Variants in COL4A4 observed in about 807,000 individuals in gnomAD.
The protein encoded by COL4A4 is collagen alpha-4(IV) chain.
COL4A4 carries 105 observed loss-of-function variants against 192.9 expected under a neutral mutation model. The ratio of observed to expected loss-of-function variants is 0.54; its 90% CI spans 0.46 to 0.64. The LOEUF (loss-of-function observed/expected upper bound fraction) is 0.64. Ranked by LOEUF, COL4A4 falls within the 30% of genes least tolerant of loss-of-function variation. The pLI, the probability that COL4A4 is intolerant of heterozygous loss-of-function variation, is 0.00. For missense variants in COL4A4, 1,967 were observed against 2,169.3 expected (o/e 0.91, Z 1.85); for synonymous variants, 762 against 769.9 (o/e 0.99, Z 0.17).
rs1962277727 is a variant in COL4A4 at position 227,006,999 on chromosome 2, A to G, written c.*326T>C. ...CTGTTAACCCAAGAATGAAGTTTTCAGTAATGTAATTTGTAATCTGGCCTT... is the reference window on the plus strand; with the variant it reads ...CTGTTAACCCAAGAATGAAGTTTTCGGTAATGTAATTTGTAATCTGGCCTT... On this transcript the variant is annotated 3_prime_UTR_variant, in exon 48 of 48. Transcript: ENST00000396625. 2.7e-6 allele frequency: 1 copy of G among 367,888 alleles called. No individual in the cohort carries two copies. The highest frequency in any genetic ancestry group is 5.2e-6 in the Non-Finnish European group (1 of 194,156). The allele number at this position is 367,888 out of a possible 1,614,324, so 22.8% of individuals were successfully genotyped here.
chr2:227,007,677 C>G (rs993726652), intron 47 of COL4A4, 89 bp from the exon 48 acceptor site: 19 of 1,533,826 alleles, frequency 1.2e-5, no homozygotes, highest in Non-Finnish European at 1.6e-5. Flanking sequence ...TGGGTCTGAT[C>G]TTAACATTTT....
At chr2:226,988,501 C>T in the COL4A4 span, 2 of 1,529,030 alleles carry the variant, frequency 1.3e-6, no homozygotes, top group Non-Finnish European at 1.8e-6. Flanking sequence ...AAGACTCAGG[C>T]CTTGCGAGGT....
intron 41 of COL4A4, among the ~76,000 whole-genome samples, chr2:227,028,245 A>T (rs1967432876): frequency 6.6e-6 from 1 of 152,168 alleles, no homozygotes; most frequent in Admixed American, 6.5e-5. Flanking sequence ...GACAAGACCA[A>T]ATTACAATGA....
chr2:226,978,777 G>A, the COL4A4 span, among the ~76,000 whole-genome samples: 1 of 152,138 alleles, frequency 6.6e-6, no homozygotes, highest in African/African-American at 2.4e-5. Flanking sequence ...CCCTCACTGG[G>A]GGTGATCAGA....
At chr2:227,060,564 T>C (rs1417144595) in intron 26 of COL4A4, among the ~76,000 whole-genome samples, 1 of 152,188 alleles carries the variant, frequency 6.6e-6, no homozygotes, top group Non-Finnish European at 1.5e-5. Context: ...AACACGACTA[T>C]GCAACCATTG....
chr2:227,103,043 A>T, intron 14 of COL4A4, 101 bp downstream of exon 14: 1 of 1,153,204 alleles, frequency 8.7e-7, no homozygotes, highest in East Asian at 2.3e-5. Context: ...GGTAATATAT[A>T]TTAGCACTTA....
In COL4A4 at chr2:227,055,960, G is replaced by C. The variant is rs868307078; in HGVS notation, c.2701C>G (p.Pro901Ala). The C allele has an allele frequency of 2.5e-6, 4 of 1,613,712 alleles. No individual in the cohort carries two copies. Among genetic ancestry groups the C allele is most frequent in the Non-Finnish European group, 3.4e-6 (4 of 1,179,870 alleles). ...CACTACCTACCCTTTGGACCTGGAG[G>C]ACCAGGTAGCCCATCATCTCCAAAG... ...GPFGDDGLPG[P>A]PGPKGPRGLP... Residue 901 changes from proline to alanine, a missense_variant, in exon 30 of 48, where the codon CCT becomes GCT. Pro to Ala is a conservative substitution (Grantham distance 27). Coordinates refer to ENST00000396625, the MANE Select transcript of COL4A4 (RefSeq NM_000092.5).
intron 35 of COL4A4, among the ~76,000 whole-genome samples, chr2:227,046,855 A>G (rs775694167): frequency 2.6e-5 from 4 of 152,050 alleles, no homozygotes; most frequent in Non-Finnish European, 5.9e-5. Context: ...CAAGAACTCA[A>G]TGGTGCATCA....
chr2:227,029,279 G>A (rs1967745198), intron 41 of COL4A4, among the ~76,000 whole-genome samples: 1 of 152,192 alleles, frequency 6.6e-6, no homozygotes, highest in African/African-American at 2.4e-5. Flanking sequence ...TAAGGAGGAG[G>A]AGTGTTAGCC....
chr2:227,031,027 ATGGT>A (rs1273670495), intron 40 of COL4A4, among the ~76,000 whole-genome samples: 1 of 150,458 alleles, frequency 6.6e-6, no homozygotes, highest in South Asian at 2.1e-4. Context: ...ATGTGGATAG[ATGGT>A]TGGATGGACA....
chr2:227,079,062 A>G lies in COL4A4; in HGVS notation c.1804-985T>C, dbSNP rs116488382. Among the ~76,000 whole-genome samples, 1,013 of 152,314 alleles carry G rather than the reference A, an allele frequency of 6.7e-3. 5 individuals are homozygous for G. Among genetic ancestry groups the G allele is most frequent in the African/African-American group, 0.023 (942 of 41,570 alleles). ...AGCTCCCATGGGGAATGAGGCTTTC[A>G]AGTCAGGGCTGCCTCCATGCCCACC... On this transcript the variant is annotated intron_variant, in intron 24 of 47. Coordinates refer to ENST00000396625, the MANE Select transcript of COL4A4 (RefSeq NM_000092.5).
At chr2:227,133,246 G>A (rs1268328625) in intron 4 of COL4A4, among the ~76,000 whole-genome samples, 1 of 152,190 alleles carries the variant, frequency 6.6e-6, no homozygotes, top group Non-Finnish European at 1.5e-5. Flanking sequence ...CAGGGCAGAT[G>A]TGCCCAAAAC....
rs1033644448 is a variant in COL4A4 at position 227,047,460 on chromosome 2, A to G, written c.3289+15T>C. 1 of 1,604,980 alleles carries G rather than the reference A, an allele frequency of 6.2e-7. No individual in the cohort carries two copies. Among genetic ancestry groups the G allele is most frequent in the Non-Finnish European group, 8.5e-7 (1 of 1,171,928 alleles). ...CTACTTTTTTTGTTTTAGTAAGAAA[A>G]ATATGCAGCTATACCTGGACATCCA... On this transcript the variant is annotated intron_variant, in intron 35 of 47. Transcript: ENST00000396625.
At chr2:227,016,230 G>A (rs1306646060) in intron 44 of COL4A4, among the ~76,000 whole-genome samples, 5 of 152,024 alleles carry the variant, frequency 3.3e-5, no homozygotes, top group South Asian at 2.1e-4. Flanking sequence ...AAGAACGATC[G>A]GGCCCCAAAT....
the COL4A4 span, chr2:226,995,663 G>A: frequency 1.2e-5 from 8 of 662,322 alleles, 1 homozygote; most frequent in South Asian, 1.5e-4. Flanking sequence ...CATCACCTGG[G>A]ACAGTCCCAT....
rs968199464 is a variant in COL4A4 at position 227,003,768 on chromosome 2, T to G, written c.*3557A>C. 6.6e-6 allele frequency: 1 copy of G among 152,172 alleles called. No homozygotes were observed. The highest frequency in any genetic ancestry group is 2.4e-5 in the African/African-American group (1 of 41,452). The allele number at this position is 152,172 out of a possible 1,614,324, so 9.4% of individuals were successfully genotyped here. A position where few individuals can be genotyped will look rare whatever the true frequency, so the allele number is the denominator to read the frequency against. On this transcript the variant is annotated 3_prime_UTR_variant, in exon 48 of 48. Transcript: ENST00000396625. ...ACAGCATAAGGTAAGTCATGTCACA[T>G]TTTACTGAAGGGTCTTCTCAGTCGG... is the stretch of plus-strand genomic sequence containing the variant.
intron 21 of COL4A4, among the ~76,000 whole-genome samples, 153 bp from the exon 22 acceptor site, chr2:227,088,969 G>C (rs1017799895): frequency 6.6e-6 from 1 of 152,216 alleles, no homozygotes; most frequent in African/African-American, 2.4e-5. Context: ...TGGGGGCTGG[G>C]TGTGGCATGG....
the COL4A4 span, among the ~76,000 whole-genome samples, chr2:226,989,863 G>A: frequency 6.6e-6 from 1 of 152,140 alleles, no homozygotes; most frequent in Non-Finnish European, 1.5e-5. Context: ...GCAGGGTGCT[G>A]ACCACTGTAA....
intron 7 of COL4A4, among the ~76,000 whole-genome samples, chr2:227,117,364 A>G (rs2061543719): frequency 6.6e-6 from 1 of 152,244 alleles, no homozygotes; most frequent in African/African-American, 2.4e-5. Context: ...ATGTGCATTC[A>G]CCAGACTGCA....
Sources: gnomAD v4.1 joint callset for allele counts (sites outside exome capture counted in the v4.1 genomes callset) on GRCh38, gnomAD v4.1.1 for gene constraint, MANE v1.5 for transcripts, NCBI Gene and HGNC (gene_info 2026-07-23, HGNC 2026-07-21) for gene names.